Variants in ENOX1 observed in about 807,000 individuals in gnomAD.
ENOX1 encodes ecto-NOX disulfide-thiol exchanger 1, also known as candidate growth-related and time keeping constitutive hydroquinone (NADH) oxidase.
In ENOX1, 42 loss-of-function variants were observed where a neutral mutation model predicts 82.5. The ratio of observed to expected loss-of-function variants is 0.51; its 90% CI spans 0.40 to 0.66. The LOEUF (loss-of-function observed/expected upper bound fraction) is 0.66, where lower values mean the gene tolerates loss of function less well. Among genes scored for constraint, ENOX1 ranks in the 30% least tolerant of loss-of-function variants. ENOX1 has a pLI of 0.00. For synonymous variants in ENOX1, 271 were observed against 282.2 expected, an observed-to-expected ratio of 0.96 and a Z score of 0.40; for missense variants, 608 against 811.6, an observed-to-expected ratio of 0.75 and a Z score of 3.05.
intron 12 of ENOX1, among the ~76,000 whole-genome samples, chr13:43,276,634 A>G (rs1196343328): frequency 6.6e-6 from 1 of 152,180 alleles, no homozygotes; most frequent in East Asian, 1.9e-4. Context: ...TCCATCTGAC[A>G]CTGAATCCTG....
chr13:43,238,455 C>T (rs1042197640), intron 14 of ENOX1, among the ~76,000 whole-genome samples: 3 of 152,196 alleles, frequency 2.0e-5, no homozygotes, highest in African/African-American at 7.2e-5. Context: ...CAGAGCAGGT[C>T]TGTGTGTACA....
chr13:43,678,870 A>T (rs2153795813), intron 1 of ENOX1, among the ~76,000 whole-genome samples: 1 of 152,208 alleles, frequency 6.6e-6, no homozygotes, highest in East Asian at 1.9e-4. Context: ...AGTATATAAA[A>T]CCCTGTTGTA....
At chr13:43,334,766 A>G (rs1207066332) in intron 9 of ENOX1, among the ~76,000 whole-genome samples, 1 of 152,168 alleles carries the variant, frequency 6.6e-6, no homozygotes, top group Non-Finnish European at 1.5e-5. Context: ...GGCTGGAACC[A>G]ATTTCTCTCA....
At chr13:43,432,834 G>T (rs1281836247) in intron 3 of ENOX1, among the ~76,000 whole-genome samples, 1 of 151,736 alleles carries the variant, frequency 6.6e-6, no homozygotes, top group African/African-American at 2.4e-5. Flanking sequence ...TTTTAAGGGG[G>T]ATTCAGACAC....
chr13:43,748,428 T>A (rs1950139456), intron 1 of ENOX1, among the ~76,000 whole-genome samples: 1 of 152,218 alleles, frequency 6.6e-6, no homozygotes. Flanking sequence ...TTATTTACAT[T>A]GACTAAAAAG....
intron 2 of ENOX1, among the ~76,000 whole-genome samples, chr13:43,647,501 G>A (rs116809858): frequency 1.3e-5 from 2 of 152,112 alleles, no homozygotes; most frequent in African/African-American, 2.4e-5. Context: ...GGCTCACTCT[G>A]CCATCAGGAA....
At chr13:43,215,888 C>T (rs528911066) in intron 16 of ENOX1, among the ~76,000 whole-genome samples, 2 of 152,110 alleles carry the variant, frequency 1.3e-5, no homozygotes, top group Admixed American at 6.6e-5. Context: ...TATAGTCAGG[C>T]ATATTTGGGT....
At chr13:43,349,606 C>A (rs1054107932) in intron 8 of ENOX1, among the ~76,000 whole-genome samples, 3 of 152,184 alleles carry the variant, frequency 2.0e-5, no homozygotes, top group African/African-American at 7.2e-5. Context: ...GGTGCAGGAG[C>A]AGCCTTTGTG....
intron 2 of ENOX1, among the ~76,000 whole-genome samples, chr13:43,618,429 G>A (rs2082577761): frequency 6.6e-6 from 1 of 152,108 alleles, no homozygotes; most frequent in Non-Finnish European, 1.5e-5. Flanking sequence ...GGTGAGAGAT[G>A]AGGAACCAGT....
intron 2 of ENOX1, among the ~76,000 whole-genome samples, chr13:43,533,366 A>G (rs142627649): frequency 2.0e-5 from 3 of 152,242 alleles, no homozygotes; most frequent in East Asian, 3.9e-4. Flanking sequence ...TCCACAGAAA[A>G]ACACTGAAAG....
chr13:43,241,611 C>T (rs1331594685), intron 14 of ENOX1, among the ~76,000 whole-genome samples: 4 of 152,196 alleles, frequency 2.6e-5, no homozygotes, highest in Non-Finnish European at 5.9e-5. Context: ...CAATTCTGCA[C>T]TTGACATGAG....
chr13:43,241,002 C>A (rs1048772975), intron 14 of ENOX1, among the ~76,000 whole-genome samples: 1 of 152,146 alleles, frequency 6.6e-6, no homozygotes, highest in Admixed American at 6.5e-5. Context: ...GTTATAAGAT[C>A]CATGAGAGTA....
At chr13:43,340,532 T>C (rs2153541573) in intron 9 of ENOX1, among the ~76,000 whole-genome samples, 1 of 152,328 alleles carries the variant, frequency 6.6e-6, no homozygotes, top group African/African-American at 2.4e-5. Flanking sequence ...ACAGAGGTTG[T>C]TGGATGGTTA....
At chr13:43,686,954 C>T (rs2086108137) in intron 1 of ENOX1, among the ~76,000 whole-genome samples, 1 of 152,012 alleles carries the variant, frequency 6.6e-6, no homozygotes, top group Non-Finnish European at 1.5e-5. Context: ...AACCAAAGCA[C>T]AAGAGAAGTG....
intron 5 of ENOX1, among the ~76,000 whole-genome samples, chr13:43,386,926 G>A (rs1394332549): frequency 6.6e-6 from 1 of 151,986 alleles, no homozygotes; most frequent in Non-Finnish European, 1.5e-5. Flanking sequence ...AAAGCTAGTG[G>A]AACACCTTTA....
At chr13:43,531,720 T>A (rs1180466629) in intron 2 of ENOX1, among the ~76,000 whole-genome samples, 1 of 147,488 alleles carries the variant, frequency 6.8e-6, no homozygotes. Flanking sequence ...GTGGCACATA[T>A]ACACCATGGA....
At chr13:43,263,940 A>AAGAT (rs1223476322) in intron 14 of ENOX1, among the ~76,000 whole-genome samples, 16 of 150,128 alleles carry the variant, frequency 1.1e-4, no homozygotes, top group African/African-American at 3.9e-4. Flanking sequence ...TGAGAGTGGA[A>AAGAT]AGATAAACTA....
chr13:43,321,248 G>A (rs533117674), intron 11 of ENOX1: 16 of 424,484 alleles, frequency 3.8e-5, no homozygotes, highest in East Asian at 1.4e-4. Context: ...GCCACTAGAC[G>A]TTTTTGATTC....
intron 3 of ENOX1, among the ~76,000 whole-genome samples, chr13:43,442,405 C>T (rs150485307): frequency 3.0e-4 from 45 of 152,130 alleles, no homozygotes; most frequent in African/African-American, 9.4e-4. Flanking sequence ...TTCAACTTAG[C>T]GAATGCATTA....
Sources: allele counts gnomAD v4.1 joint callset (sites outside exome capture counted in the v4.1 genomes callset), GRCh38; gene constraint gnomAD v4.1.1; transcripts MANE v1.5; gene names NCBI Gene and HGNC (gene_info 2026-07-23, HGNC 2026-07-21).